TBCA: variants seen among roughly 807,000 people sequenced by gnomAD.
TBCA encodes the protein tubulin folding cofactor A.
In TBCA, 6 loss-of-function variants were observed where a neutral mutation model predicts 15.8. The observed-to-expected ratio is 0.38, with a 90% CI of 0.21 to 0.75. The LOEUF is 0.75. Among genes scored for constraint, TBCA ranks in the 30% least tolerant of loss-of-function variants. The probability of loss-of-function intolerance (pLI) is 0.46; values close to 1 mark genes in which losing one functional copy is unlikely to be tolerated. For missense variants in TBCA, 90 were observed against 131.2 expected (o/e 0.69, Z 1.53); for synonymous variants, 32 against 42.3 (o/e 0.76, Z 0.94).
intron 2 of TBCA, among the ~76,000 whole-genome samples, chr5:77,699,457 AAAG>A (rs1287331072): frequency 6.6e-6 from 1 of 152,206 alleles, no homozygotes; most frequent in Non-Finnish European, 1.5e-5. Context: ...TATTTTTGAC[AAAG>A]ATACAAAAGC....
At chr5:77,709,541 T>C (rs986399162) in intron 1 of TBCA, among the ~76,000 whole-genome samples, 2 of 152,184 alleles carry the variant, frequency 1.3e-5, no homozygotes, top group Admixed American at 6.5e-5. Flanking sequence ...GTTGGCAAGA[T>C]GGCAAGGATG....
intron 1 of TBCA, among the ~76,000 whole-genome samples, chr5:77,714,297 G>A (rs1289351068): frequency 6.6e-6 from 1 of 152,018 alleles, no homozygotes; most frequent in Admixed American, 6.6e-5. Flanking sequence ...TCCAGCCTGG[G>A]CAACAGAGTG....
chr5:77,721,212 G>C (rs1282913717), intron 1 of TBCA, among the ~76,000 whole-genome samples: 1 of 152,076 alleles, frequency 6.6e-6, no homozygotes, highest in Non-Finnish European at 1.5e-5. Flanking sequence ...TATCAACTCA[G>C]GTTATTCTTG....
intron 1 of TBCA, among the ~76,000 whole-genome samples, chr5:77,746,084 G>A (rs1051188085): frequency 2.6e-5 from 4 of 151,998 alleles, no homozygotes; most frequent in Non-Finnish European, 5.9e-5. Context: ...GGTTCCCAAC[G>A]GGGCATTTCG....
intron 2 of TBCA, among the ~76,000 whole-genome samples, chr5:77,703,724 C>G (rs1310799808): frequency 6.6e-6 from 1 of 152,046 alleles, no homozygotes. Flanking sequence ...CTTTTGGGTG[C>G]ACACCACCAC....
chr5:77,726,477 T>C (rs1454376129), intron 1 of TBCA, among the ~76,000 whole-genome samples: 1 of 152,150 alleles, frequency 6.6e-6, no homozygotes, highest in Non-Finnish European at 1.5e-5. Context: ...AAACAATTAC[T>C]TAACACATGC....
At chr5:77,733,072 G>A (rs553022380) in intron 1 of TBCA, among the ~76,000 whole-genome samples, 1 of 152,310 alleles carries the variant, frequency 6.6e-6, no homozygotes, top group Non-Finnish European at 1.5e-5. Flanking sequence ...GCTGAGGTCA[G>A]GAGTTTGAGA....
chr5:77,773,787 G>A (rs1747962686), intron 1 of TBCA, among the ~76,000 whole-genome samples: 1 of 152,182 alleles, frequency 6.6e-6, no homozygotes, highest in African/African-American at 2.4e-5. Context: ...GGAAAGGTGG[G>A]CGAACAGGAA....
intron 1 of TBCA, among the ~76,000 whole-genome samples, chr5:77,754,379 T>C (rs894263811): frequency 6.6e-6 from 1 of 152,222 alleles, no homozygotes; most frequent in Non-Finnish European, 1.5e-5. Context: ...TTAATAAGAA[T>C]ATATTTTTTA....
intron 1 of TBCA, among the ~76,000 whole-genome samples, chr5:77,719,513 G>A (rs191906299): frequency 9.1e-4 from 138 of 152,192 alleles, no homozygotes; most frequent in East Asian, 4.4e-3. Flanking sequence ...TAATTTCATG[G>A]TATTTGTTAC....
In TBCA at chr5:77,756,817, A is replaced by G. The variant is rs562416535; in HGVS notation, c.53+19388T>C. Among the ~76,000 whole-genome samples, 11 of 149,936 alleles carry G rather than the reference A, an allele frequency of 7.3e-5. No individual in the cohort carries two copies. The South Asian group carries it at 1.9e-3, about 25-fold the overall frequency. The stretch of plus-strand genomic sequence containing the variant: ...ATGGGAAAGCAGAGCGTTAGACCTA[A>G]GAAGAATCTGCCCATGACCCTTGAA... On this transcript the variant is annotated intron_variant, in intron 1 of 3. Transcript: ENST00000380377.
intron 2 of TBCA, among the ~76,000 whole-genome samples, chr5:77,694,779 T>C (rs909390303): frequency 5.9e-5 from 9 of 152,168 alleles, no homozygotes; most frequent in East Asian, 1.9e-4. Context: ...AGAGCTCATA[T>C]TGAAAACAAA....
At chr5:77,728,579 G>A (rs1187940757) in intron 1 of TBCA, among the ~76,000 whole-genome samples, 2 of 152,086 alleles carry the variant, frequency 1.3e-5, no homozygotes, top group Admixed American at 1.3e-4. Flanking sequence ...CTAAGCAGGA[G>A]GTGGGGAGAG....
chr5:77,701,499 A>G (rs897405394), intron 2 of TBCA, among the ~76,000 whole-genome samples: 11 of 151,752 alleles, frequency 7.2e-5, no homozygotes, highest in Admixed American at 5.9e-4. Context: ...GAGATTCCTT[A>G]AAGAACTAAA....
chr5:77,693,056 C>A (rs1745791400), intron 3 of TBCA: 1 of 1,436,480 alleles, frequency 7.0e-7, no homozygotes, highest in Non-Finnish European at 9.0e-7. Context: ...ATAAACTGAA[C>A]AAACATGCTA....
At chr5:77,774,734 GC>G (rs1230531771) in intron 1 of TBCA, among the ~76,000 whole-genome samples, 1 of 152,158 alleles carries the variant, frequency 6.6e-6, no homozygotes, top group African/African-American at 2.4e-5. Flanking sequence ...ACTTCCTGAG[GC>G]TGTCACAGGC....
intron 1 of TBCA, among the ~76,000 whole-genome samples, chr5:77,709,605 T>C (rs1157502904): frequency 6.6e-6 from 1 of 152,112 alleles, no homozygotes; most frequent in East Asian, 1.9e-4. Flanking sequence ...ATTGGTATAG[T>C]AGCTTTAGGA....
intron 2 of TBCA, among the ~76,000 whole-genome samples, chr5:77,703,201 G>C (rs560208401): frequency 1.2e-4 from 18 of 152,280 alleles, no homozygotes; most frequent in Non-Finnish European, 2.2e-4. Context: ...AGAAAACTGA[G>C]AACTCTTTGT....
chr5:77,718,179 T>G (rs1036500461), intron 1 of TBCA, among the ~76,000 whole-genome samples: 17 of 152,270 alleles, frequency 1.1e-4, no homozygotes, highest in Admixed American at 6.5e-4. Flanking sequence ...ATAATCATGG[T>G]GGCTACTAAA....
Sources: allele counts gnomAD v4.1 joint callset (sites outside exome capture counted in the v4.1 genomes callset), GRCh38; gene constraint gnomAD v4.1.1; transcripts MANE v1.5; gene names NCBI Gene and HGNC (gene_info 2026-07-23, HGNC 2026-07-21).